SOX5: variants seen among roughly 807,000 people sequenced by gnomAD.
The protein encoded by SOX5 is transcription factor SOX-5.
A neutral mutation model predicts 92.0 loss-of-function variants in SOX5; 9 were observed. The ratio of observed to expected loss-of-function variants is 0.10; its 90% CI spans 0.06 to 0.17. SOX5 has a LOEUF of 0.17. SOX5 is among the 10% of genes least tolerant of loss of function. The pLI is 1.00. For missense variants in SOX5, 642 were observed against 944.5 expected, an observed-to-expected ratio of 0.68 and a Z score of 4.20; for synonymous variants, 344 against 336.3, an observed-to-expected ratio of 1.02 and a Z score of -0.25.
chr12:24,168,512 T>A (rs1953688409), intron 4 of SOX5, among the ~76,000 whole-genome samples: 1 of 152,220 alleles, frequency 6.6e-6, no homozygotes, highest in Admixed American at 6.5e-5. Context: ...TATTTTTTAT[T>A]TATTTTAGAG....
chr12:23,583,254 T>TCTTACTTTTTATTTCCAAAATG (rs1476682548), intron 9 of SOX5, among the ~76,000 whole-genome samples: 1 of 152,112 alleles, frequency 6.6e-6, no homozygotes, highest in Non-Finnish European at 1.5e-5. Context: ...CTCTATCTAA[T>TCTTACTTTTTATTTCCAAAATG]CTTACTTTTT....
intron 2 of SOX5, among the ~76,000 whole-genome samples, chr12:24,282,316 C>A (rs1383108140): frequency 2.0e-5 from 3 of 151,702 alleles, no homozygotes; most frequent in Non-Finnish European, 4.4e-5. Flanking sequence ...ATGTAACAAA[C>A]CTGCACGTTG....
At chr12:24,142,170 C>T (rs1950645952) in intron 4 of SOX5, among the ~76,000 whole-genome samples, 1 of 152,050 alleles carries the variant, frequency 6.6e-6, no homozygotes, top group African/African-American at 2.4e-5. Context: ...ACATCAAATC[C>T]ACAACCAGGT....
At chr12:23,864,905 A>G (rs1473408013) in intron 2 of SOX5, among the ~76,000 whole-genome samples, 1 of 152,206 alleles carries the variant, frequency 6.6e-6, no homozygotes, top group East Asian at 1.9e-4. Flanking sequence ...ACAATCTTCT[A>G]TTGGAGGGAG....
intron 1 of SOX5, among the ~76,000 whole-genome samples, chr12:23,918,680 C>A (rs1363472328): frequency 6.6e-6 from 1 of 151,598 alleles, no homozygotes; most frequent in Admixed American, 6.6e-5. Flanking sequence ...AATCCCAGCA[C>A]TTTGGGAGGC....
At chr12:24,081,561 A>AT (rs929412790) in intron 4 of SOX5, among the ~76,000 whole-genome samples, 5 of 151,724 alleles carry the variant, frequency 3.3e-5, no homozygotes, top group African/African-American at 2.4e-5. Context: ...ACATTCCTTT[A>AT]TTTTTTTTCC....
At chr12:24,339,522 G>A (rs2141055236) in intron 2 of SOX5, among the ~76,000 whole-genome samples, 2 of 152,296 alleles carry the variant, frequency 1.3e-5, no homozygotes. Context: ...GTTAGAGATT[G>A]GGGGACTTAT....
intron 1 of SOX5, among the ~76,000 whole-genome samples, chr12:24,392,143 T>C (rs1376203376): frequency 2.0e-5 from 3 of 152,156 alleles, no homozygotes; most frequent in East Asian, 3.9e-4. Context: ...TTCTCACAAC[T>C]CCACTGCTGT....
chr12:23,753,098 T>C (rs1478197612), intron 4 of SOX5, among the ~76,000 whole-genome samples: 2 of 151,838 alleles, frequency 1.3e-5, no homozygotes, highest in East Asian at 1.9e-4. Flanking sequence ...ATGACAACCA[T>C]TAATTGATAG....
At chr12:24,503,944 C>T (rs1175056849) in intron 1 of SOX5, among the ~76,000 whole-genome samples, 2 of 151,874 alleles carry the variant, frequency 1.3e-5, no homozygotes, top group East Asian at 3.9e-4. Context: ...GCACGTTCTG[C>T]AAATGTATCC....
At position 23,746,914 on chromosome 12, in the gene SOX5, T is replaced by C. The variant is rs755452317; in HGVS notation, c.569-5875A>G. On this transcript the variant is annotated intron_variant, in intron 4 of 14. Coordinates refer to ENST00000451604, the MANE Select transcript of SOX5 (RefSeq NM_006940.6). ...TGATAGTGAATAATTCTCACAAGAT[T>C]TGATGATTTTATAAAGGGGAGTTTC... Among the ~76,000 whole-genome samples, 6 of 152,204 alleles carry C rather than the reference T, an allele frequency of 3.9e-5. No individual in the cohort carries two copies. The South Asian group carries it at 6.2e-4, about 16-fold the overall frequency.
intron 1 of SOX5, among the ~76,000 whole-genome samples, chr12:23,918,813 C>A (rs1039222613): frequency 1.4e-5 from 2 of 147,250 alleles, no homozygotes; most frequent in Non-Finnish European, 3.0e-5. Flanking sequence ...GCTACTCAGG[C>A]GGCTGAGGCA....
At chr12:24,104,502 G>A (rs1325856070) in intron 4 of SOX5, among the ~76,000 whole-genome samples, 1 of 152,132 alleles carries the variant, frequency 6.6e-6, no homozygotes, top group Non-Finnish European at 1.5e-5. Flanking sequence ...AAATAATGAT[G>A]TTTAGGGAAA....
intron 3 of SOX5, among the ~76,000 whole-genome samples, chr12:23,793,279 A>T (rs1567806977): frequency 6.6e-6 from 1 of 152,210 alleles, no homozygotes; most frequent in Non-Finnish European, 1.5e-5. Flanking sequence ...CATTTATTTA[A>T]CATGCATTTA....
At chr12:24,439,080 A>C (rs962084191) in intron 1 of SOX5, among the ~76,000 whole-genome samples, 6 of 152,210 alleles carry the variant, frequency 3.9e-5, no homozygotes, top group African/African-American at 1.4e-4. Context: ...CCCAACCTTC[A>C]GCAAAAACCA....
chr12:24,234,955 C>T (rs1390696409), intron 3 of SOX5, among the ~76,000 whole-genome samples: 1 of 152,092 alleles, frequency 6.6e-6, no homozygotes, highest in Non-Finnish European at 1.5e-5. Context: ...CAACTTCTTC[C>T]CCATAAGAAT....
chr12:24,382,645 AGAG>A (rs1211228073), intron 1 of SOX5, among the ~76,000 whole-genome samples: 9 of 152,186 alleles, frequency 5.9e-5, no homozygotes, highest in Non-Finnish European at 1.2e-4. Flanking sequence ...AGGAGCCAGT[AGAG>A]GAGAAGTCCA....
chr12:23,716,042 A>C (rs2092473318), intron 6 of SOX5, among the ~76,000 whole-genome samples: 1 of 152,146 alleles, frequency 6.6e-6, no homozygotes, highest in Non-Finnish European at 1.5e-5. Flanking sequence ...CTTGAAGCTT[A>C]CCAAAAATTT....
At chr12:24,031,370 C>A (rs76843522) in intron 4 of SOX5, among the ~76,000 whole-genome samples, 2,914 of 151,354 alleles carry the variant, frequency 0.019, 71 homozygotes, top group African/African-American at 0.066. Context: ...TATTATTTGA[C>A]CATTAAAAAA....
Sources: gnomAD v4.1 joint callset for allele counts (sites outside exome capture counted in the v4.1 genomes callset) on GRCh38, gnomAD v4.1.1 for gene constraint, MANE v1.5 for transcripts, NCBI Gene and HGNC (gene_info 2026-07-23, HGNC 2026-07-21) for gene names.